The following SORBS2 variants were observed in gnomAD, a reference collection of about 807,000 sequenced individuals.
SORBS2 encodes sorbin and SH3 domain containing 2.
A neutral mutation model predicts 97.7 loss-of-function variants in SORBS2; 46 were observed. The ratio of observed to expected loss-of-function variants is 0.47; its 90% CI spans 0.37 to 0.60. SORBS2 has a LOEUF of 0.60. Among genes scored for constraint, SORBS2 ranks in the 20% least tolerant of loss-of-function variants. SORBS2 has a pLI of 0.00. For synonymous variants in SORBS2, 476 were observed against 473.4 expected, an observed-to-expected ratio of 1.01 and a Z score of -0.07; for missense variants, 1,316 against 1,282.3, an observed-to-expected ratio of 1.03 and a Z score of -0.40.
intron 4 of SORBS2, among the ~76,000 whole-genome samples, chr4:185,669,289 T>A (rs1023370630): frequency 5.9e-5 from 9 of 152,228 alleles, no homozygotes; most frequent in African/African-American, 2.2e-4. Flanking sequence ...ATGGGACCGA[T>A]GGCAGAATGC....
chr4:185,680,451 T>A (rs1461341908), intron 2 of SORBS2, among the ~76,000 whole-genome samples: 1 of 152,182 alleles, frequency 6.6e-6, no homozygotes, highest in Non-Finnish European at 1.5e-5. Flanking sequence ...AGAGATTTAA[T>A]AACCATGAGG....
At chr4:185,596,060 T>C (rs1271674432) in intron 12 of SORBS2, among the ~76,000 whole-genome samples, 5 of 152,226 alleles carry the variant, frequency 3.3e-5, no homozygotes, top group Non-Finnish European at 7.3e-5. Context: ...AATAAAGTTA[T>C]GAATAAGAAA....
chr4:185,818,985 A>C (rs1585244106), intron 1 of SORBS2, among the ~76,000 whole-genome samples: 1 of 152,192 alleles, frequency 6.6e-6, no homozygotes, highest in Admixed American at 6.5e-5. Flanking sequence ...TTCTCTTGGC[A>C]TGTGGACTCT....
At chr4:185,697,466 T>A (rs2098192761) in intron 2 of SORBS2, among the ~76,000 whole-genome samples, 1 of 152,088 alleles carries the variant, frequency 6.6e-6, no homozygotes, top group Non-Finnish European at 1.5e-5. Flanking sequence ...TAGCTAAGAT[T>A]TTCCCCCCCA....
intron 12 of SORBS2, among the ~76,000 whole-genome samples, chr4:185,597,612 C>A (rs556367856): frequency 1.3e-5 from 2 of 152,284 alleles, no homozygotes; most frequent in African/African-American, 4.8e-5. Flanking sequence ...CCTACCTTGG[C>A]TAAAATCAGC....
chr4:185,731,726 G>A (rs1231433194), intron 2 of SORBS2, among the ~76,000 whole-genome samples: 1 of 26,730 alleles, frequency 3.7e-5, no homozygotes, highest in Non-Finnish European at 6.9e-5. Flanking sequence ...CTCCCTCCCT[G>A]CCTGTCTCTC....
chr4:185,899,625 C>T (rs374161559), intron 1 of SORBS2, among the ~76,000 whole-genome samples: 20 of 152,222 alleles, frequency 1.3e-4, no homozygotes, highest in African/African-American at 4.8e-4. Flanking sequence ...GCAACATGCC[C>T]AGGCACTCCC....
At chr4:185,652,697 G>A (rs752881456) in exon 2 of SORBS2, 26 of 1,613,994 alleles carry the variant, frequency 1.6e-5, no homozygotes, top group Middle Eastern at 1.6e-4. Flanking sequence ...CTTAAACATC[G>A]TCTTGTACCA....
intron 1 of SORBS2, among the ~76,000 whole-genome samples, chr4:185,789,540 A>T (rs115419535): frequency 1.3e-5 from 2 of 150,640 alleles, no homozygotes; most frequent in African/African-American, 4.9e-5. Context: ...GAATATATTT[A>T]TATATAATCA....
At chr4:185,745,398 T>TA (rs112124555) in intron 2 of SORBS2, among the ~76,000 whole-genome samples, 2 of 151,936 alleles carry the variant, frequency 1.3e-5, no homozygotes, top group Non-Finnish European at 2.9e-5. Context: ...ACAGTTGTCT[T>TA]AAAAAAAATG....
intron 1 of SORBS2, among the ~76,000 whole-genome samples, chr4:185,902,411 A>G (rs188080662): frequency 3.3e-5 from 5 of 152,324 alleles, no homozygotes; most frequent in African/African-American, 9.6e-5. Flanking sequence ...GCTGAAATTG[A>G]AAAGGAAGCA....
chr4:185,908,278 T>C (rs1272684408), intron 1 of SORBS2, among the ~76,000 whole-genome samples: 3 of 3,846 alleles, frequency 7.8e-4, no homozygotes, highest in Non-Finnish European at 2.7e-3. Flanking sequence ...ATGCAAAGGC[T>C]ATATATATAT....
At chr4:185,919,513 A>G (rs1165154478) in intron 1 of SORBS2, 2 of 152,224 alleles carry the variant, frequency 1.3e-5, no homozygotes, top group Non-Finnish European at 2.9e-5. Context: ...CTTCCCAAGC[A>G]TTTGATAATA....
chr4:185,861,036 A>G (rs2099223417), intron 1 of SORBS2, among the ~76,000 whole-genome samples: 1 of 152,196 alleles, frequency 6.6e-6, no homozygotes, highest in African/African-American at 2.4e-5. Context: ...GGCCATTTCA[A>G]AAGATGTCAA....
intron 7 of SORBS2, among the ~76,000 whole-genome samples, chr4:185,620,401 T>G (rs2096701264): frequency 6.6e-6 from 1 of 152,192 alleles, no homozygotes. Flanking sequence ...ATTACTACAT[T>G]GCTGATTAAT....
At chr4:185,948,307 T>A (rs896039658) in intron 1 of SORBS2, among the ~76,000 whole-genome samples, 2 of 152,128 alleles carry the variant, frequency 1.3e-5, no homozygotes, top group African/African-American at 4.8e-5. Flanking sequence ...TTTGTTATAA[T>A]TCCCTTCCTA....
intron 1 of SORBS2, among the ~76,000 whole-genome samples, chr4:185,801,664 TCATCTCTCTCTC>T (rs1169158877): frequency 7.6e-6 from 1 of 131,288 alleles, no homozygotes; most frequent in Non-Finnish European, 1.7e-5. Flanking sequence ...TTTAACTGAA[TCATCTCTCTCTC>T]TCTCTCTCTC....
intron 2 of SORBS2, among the ~76,000 whole-genome samples, chr4:185,731,210 C>T (rs1163351778): frequency 1.3e-5 from 2 of 152,274 alleles, no homozygotes; most frequent in East Asian, 3.9e-4. Flanking sequence ...AGGCTGCCCA[C>T]CTGAGGAGGA....
intron 1 of SORBS2, among the ~76,000 whole-genome samples, chr4:185,952,027 G>T (rs1181817335): frequency 1.4e-5 from 2 of 138,246 alleles, no homozygotes; most frequent in African/African-American, 2.5e-5. Flanking sequence ...AGTTAAAATA[G>T]CTTCTTTTTT....
Sources: allele counts gnomAD v4.1 joint callset (sites outside exome capture counted in the v4.1 genomes callset), GRCh38; gene constraint gnomAD v4.1.1; transcripts MANE v1.5; gene names NCBI Gene and HGNC (gene_info 2026-07-23, HGNC 2026-07-21).